Variants in CHPT1 observed in about 807,000 individuals in gnomAD.
CHPT1 encodes the protein choline phosphotransferase 1.
CHPT1 carries 36 observed loss-of-function variants against 47.6 expected under a neutral mutation model. The ratio of observed to expected loss-of-function variants is 0.76; its 90% CI spans 0.58 to 1.00. CHPT1 has a LOEUF of 1.00. Ranked by LOEUF, CHPT1 falls within the 50% of genes least tolerant of loss-of-function variation. The pLI, the probability that CHPT1 is intolerant of heterozygous loss-of-function variation, is 0.00. For synonymous variants in CHPT1, 194 were observed against 186.3 expected (o/e 1.04, Z -0.33); for missense variants, 458 against 498.1 (o/e 0.92, Z 0.77).
At chr12:101,710,289 T>C (rs1318669408) in intron 1 of CHPT1, among the ~76,000 whole-genome samples, 1 of 149,002 alleles carries the variant, frequency 6.7e-6, no homozygotes, top group Non-Finnish European at 1.5e-5. Flanking sequence ...GATGTTGCAG[T>C]GAGCCAAGAT....
rs11110970 is a variant in CHPT1, at chr12:101,702,998, T to G, written c.273+4864T>G. ...ACTCTTCAGATAATGTGGAGGTAGCTTCCCTTGATTCCTATGGCTTCACTA... is the reference window on the plus strand; with the variant it reads ...ACTCTTCAGATAATGTGGAGGTAGCGTCCCTTGATTCCTATGGCTTCACTA... On this transcript the variant is annotated intron_variant, in intron 1 of 8. Coordinates refer to ENST00000229266, the MANE Select transcript of CHPT1 (RefSeq NM_020244.3). 0.02 allele frequency among the ~76,000 whole-genome samples: 3,107 copies of G among 152,298 alleles called. 342 individuals are homozygous for G. The East Asian group carries it at 0.32, about 16-fold the overall frequency.
chr12:101,702,165 A>G (rs1951562771), intron 1 of CHPT1, among the ~76,000 whole-genome samples: 1 of 152,212 alleles, frequency 6.6e-6, no homozygotes, highest in African/African-American at 2.4e-5. Context: ...ATTTGAATCT[A>G]GTTCTTCTAA....
chr12:101,718,616 T>C (rs564715514), intron 4 of CHPT1, among the ~76,000 whole-genome samples: 124 of 148,904 alleles, frequency 8.3e-4, no homozygotes, highest in Non-Finnish European at 1.1e-3. Flanking sequence ...GCCATTATCA[T>C]GCCACTGACT....
chr12:101,722,315 A>C lies in CHPT1; in HGVS notation c.781-853A>C, dbSNP rs146440025. ...TACTGTAATTTTATAGTAAGTTCTA[A>C]CTTAAAACATGTAAACTTAATAAAC... On this transcript the variant is annotated intron_variant, in intron 5 of 8. Coordinates refer to ENST00000229266, the MANE Select transcript of CHPT1 (RefSeq NM_020244.3). Among the ~76,000 whole-genome samples the C allele has an allele frequency of 1.6e-4, 24 of 152,302 alleles. No individual in the cohort carries two copies. The East Asian group carries it at 3.9e-3, about 24-fold the overall frequency.
At chr12:101,702,231 A>G (rs1432502062) in intron 1 of CHPT1, among the ~76,000 whole-genome samples, 1 of 152,196 alleles carries the variant, frequency 6.6e-6, no homozygotes, top group Admixed American at 6.5e-5. Context: ...TTTGACTGGT[A>G]TAAACTGTTA....
chr12:101,727,332 T>C (rs1253548288), intron 8 of CHPT1: 1 of 152,186 alleles, frequency 6.6e-6, no homozygotes, highest in African/African-American at 2.4e-5. Flanking sequence ...CTGATACTTA[T>C]CTTTCCACTC....
intron 8 of CHPT1, 88 bp downstream of exon 8, chr12:101,726,492 C>G (rs1951947515): frequency 1.3e-6 from 2 of 1,546,012 alleles, no homozygotes; most frequent in African/African-American, 2.7e-5. Flanking sequence ...TCCCCCTGTG[C>G]AGGAGGCTAG....
chr12:101,700,053 T>G (rs1469556509), intron 1 of CHPT1, among the ~76,000 whole-genome samples: 6 of 152,362 alleles, frequency 3.9e-5, no homozygotes, highest in African/African-American at 1.4e-4. Flanking sequence ...TTAAAAATAT[T>G]ACTGTTATCA....
At chr12:101,710,513 T>G (rs995049250) in intron 1 of CHPT1, among the ~76,000 whole-genome samples, 4 of 148,990 alleles carry the variant, frequency 2.7e-5, no homozygotes, top group Non-Finnish European at 1.5e-5. Context: ...CTGCCTAGAC[T>G]TCCTCTCTTC....
At chr12:101,714,719 C>A in intron 3 of CHPT1, 74 bp downstream of exon 3, 2 of 1,427,468 alleles carry the variant, frequency 1.4e-6, no homozygotes, top group South Asian at 1.4e-5. Context: ...TGTCATTCAT[C>A]GATAATAAGG....
At chr12:101,719,753 T>G (rs1344732365) in intron 4 of CHPT1, 1 of 241,926 alleles carries the variant, frequency 4.1e-6, no homozygotes, top group Non-Finnish European at 8.1e-6. Flanking sequence ...TAAGCTGGTT[T>G]GGTGGATTCA....
intron 1 of CHPT1, 34 bp downstream of exon 1, chr12:101,698,168 G>C (rs768136141): frequency 9.3e-6 from 13 of 1,401,848 alleles, no homozygotes; most frequent in Middle Eastern, 2.1e-4. Flanking sequence ...CCGGGCCCCA[G>C]ATGCGCTGCG....
chr12:101,720,290 A>G, intron 5 of CHPT1, 36 bp downstream of exon 5: 1 of 1,555,344 alleles, frequency 6.4e-7, no homozygotes, highest in Non-Finnish European at 8.7e-7. Flanking sequence ...TGTCAATTTT[A>G]TGATACATTT....
chr12:101,716,135 AG>A (rs1263749481), intron 3 of CHPT1, among the ~76,000 whole-genome samples: 5 of 152,140 alleles, frequency 3.3e-5, no homozygotes, highest in African/African-American at 7.2e-5. Flanking sequence ...TAGGAGAGAG[AG>A]TGACAGCTTC....
At position 101,723,866 on chromosome 12, in the gene CHPT1, T is replaced by C; in HGVS notation, c.1065+19T>C. ...GGCAATGGTAAGTATTTTTCTCCAT[T>C]TTATTTATTTTTTAACAATGCTTAA... On this transcript the variant is annotated intron_variant, in intron 7 of 8. Coordinates refer to ENST00000229266, the MANE Select transcript of CHPT1 (RefSeq NM_020244.3). 6.8e-7 allele frequency: 1 copy of C among 1,465,932 alleles called. No homozygotes were observed. The highest frequency in any genetic ancestry group is 1.4e-5 in the African/African-American group (1 of 70,210). The allele number at this position is 1,465,932 out of a possible 1,614,324, so 90.8% of individuals were successfully genotyped here. A position where few individuals can be genotyped will look rare whatever the true frequency, so the allele number is the denominator to read the frequency against.
intron 5 of CHPT1, among the ~76,000 whole-genome samples, chr12:101,722,575 G>C (rs1408650224): frequency 2.0e-5 from 3 of 151,860 alleles, no homozygotes; most frequent in Non-Finnish European, 4.4e-5. Flanking sequence ...AGGATAAGCT[G>C]GGTGTGGTGG....
Position 101,723,373 on chromosome 12 carries a change from C to T in CHPT1, c.939+47C>T, listed in dbSNP as rs142043638. 259 of 1,120,738 alleles carry T rather than the reference C, an allele frequency of 2.3e-4. 2 individuals carry two copies. In the African/African-American group the frequency reaches 3.7e-3, roughly 16 times the overall value. The allele number at this position is 1,120,738 out of a possible 1,614,324, so 69.4% of individuals were successfully genotyped here. On this transcript the variant is annotated intron_variant, in intron 6 of 8. Transcript: ENST00000229266. ...TGATATAAATAATATACTTAGTCGT[C>T]AAACACAAAGCTGGAAATTATTTCA...
intron 5 of CHPT1, among the ~76,000 whole-genome samples, chr12:101,722,471 G>A (rs1371061984): frequency 1.3e-5 from 2 of 152,056 alleles, no homozygotes; most frequent in Non-Finnish European, 2.9e-5. Context: ...AGATAAAAAT[G>A]TAATGGTCTG....
chr12:101,723,195 C>T lies in CHPT1; in HGVS notation c.808C>T (p.His270Tyr), dbSNP rs1951884936. ...CACCAGTGTCTTGTCACCTGGACTCCACATAGGACTAATTATTATACTGGC... is the reference window on the plus strand; with the variant it reads ...CACCAGTGTCTTGTCACCTGGACTCTACATAGGACTAATTATTATACTGGC... ...AGTSVLSPGL[H>Y]IGLIIILAIM... is the part of the protein sequence containing the mutation. Residue 270 changes from histidine to tyrosine, a missense_variant, in exon 6 of 9, where the codon CAC (histidine) becomes TAC (tyrosine). By Grantham distance (83) the His-to-Tyr change is moderately conservative (BLOSUM62 2). Transcript: ENST00000229266. The T allele has an allele frequency of 6.2e-7, 1 of 1,612,566 alleles. No homozygotes were observed. The highest frequency in any genetic ancestry group is 8.5e-7 in the Non-Finnish European group (1 of 1,179,112).
Sources: allele counts gnomAD v4.1 joint callset (sites outside exome capture counted in the v4.1 genomes callset), GRCh38; gene constraint gnomAD v4.1.1; transcripts MANE v1.5; gene names NCBI Gene and HGNC (gene_info 2026-07-23, HGNC 2026-07-21).